SPATA6L: variants seen among roughly 807,000 people sequenced by gnomAD.
The protein encoded by SPATA6L is spermatogenesis associated 6 like, also known as spermatogenesis associated 6-like protein.
SPATA6L carries 68 observed loss-of-function variants against 49.2 expected under a neutral mutation model. That is an observed-to-expected ratio of 1.38 (90% CI 1.14 to 1.69). The LOEUF is 1.69. Ranked by LOEUF, SPATA6L falls within the 40% of genes most tolerant of loss-of-function variation. The pLI is 0.00. For missense variants in SPATA6L, 668 were observed against 464.3 expected (o/e 1.44, Z -4.03); for synonymous variants, 198 against 165.7 (o/e 1.19, Z -1.50).
chr9:4,630,984 A>G (rs1831413546), intron 4 of SPATA6L, among the ~76,000 whole-genome samples: 1 of 152,300 alleles, frequency 6.6e-6, no homozygotes, highest in East Asian at 1.9e-4. Flanking sequence ...ACCACTGTAC[A>G]TGCAGCTGCC....
intron 7 of SPATA6L, among the ~76,000 whole-genome samples, chr9:4,621,363 A>C (rs1391038868): frequency 6.6e-6 from 1 of 152,246 alleles, no homozygotes; most frequent in East Asian, 1.9e-4. Context: ...AACTGTTTTC[A>C]TAATAATACT....
chr9:4,644,475 T>C (rs1834836410), intron 3 of SPATA6L, among the ~76,000 whole-genome samples: 1 of 152,070 alleles, frequency 6.6e-6, no homozygotes, highest in African/African-American at 2.4e-5. Flanking sequence ...TGTGTTCTTC[T>C]ATCTACAGAG....
intron 3 of SPATA6L, among the ~76,000 whole-genome samples, chr9:4,640,267 A>G (rs1193765773): frequency 1.3e-5 from 2 of 152,218 alleles, no homozygotes; most frequent in Admixed American, 6.5e-5. Flanking sequence ...TGTAAACTGA[A>G]GAACAGGAAG....
At chr9:4,658,997 T>C (rs1336386925) in intron 2 of SPATA6L, among the ~76,000 whole-genome samples, 1 of 149,828 alleles carries the variant, frequency 6.7e-6, no homozygotes, top group African/African-American at 2.5e-5. Flanking sequence ...TCAAAATTGA[T>C]ATAACTAATA....
intron 11 of SPATA6L, among the ~76,000 whole-genome samples, chr9:4,603,512 G>C (rs1016046657): frequency 2.0e-5 from 3 of 152,202 alleles, no homozygotes; most frequent in Non-Finnish European, 4.4e-5. Context: ...CAGCAGGGTG[G>C]AGATGGGTAG....
At position 4,600,675 on chromosome 9, in the gene SPATA6L, AGGGTTT is replaced by A. The variant is rs1390040412; in HGVS notation, c.*130_*135del. 6.6e-6 allele frequency: 1 copy of A among 152,212 alleles called. No homozygotes were observed. The highest frequency in any genetic ancestry group is 1.5e-5 in the Non-Finnish European group (1 of 68,032). The allele number at this position is 152,212 out of a possible 1,614,324, so 9.4% of individuals were successfully genotyped here. A position where few individuals can be genotyped will look rare whatever the true frequency, so the allele number is the denominator to read the frequency against. Reference sequence around the variant, plus strand: ...TACCTGGGCACAAAAGACTGAGTACAGGGTTTGGTTTAAAGGGGATTAGACATCAGT... The same window carrying A: ...TACCTGGGCACAAAAGACTGAGTACAGGTTTAAAGGGGATTAGACATCAGT... On this transcript the variant is annotated 3_prime_UTR_variant, in exon 12 of 12. Coordinates refer to ENST00000682582, the MANE Select transcript of SPATA6L (RefSeq NM_001353486.2).
chr9:4,662,739 G>GGA lies in SPATA6L; in HGVS notation c.40-705_40-704dup. ...GTCCAAGAAGCTGGGGGTGTGCGCGGGAGAGAGCTCGTCGTGGGGCAGCGT... is the reference window on the plus strand; with the variant it reads ...GTCCAAGAAGCTGGGGGTGTGCGCGGGAGAGAGAGCTCGTCGTGGGGCAGCGT... On this transcript the variant is annotated intron_variant, in intron 1 of 11. Transcript: ENST00000682582. This position sits in a 1 kb window ranked among gnomAD's most constrained non-coding sequence, Gnocchi z 4.9. 1 of 1,603,320 alleles carries GGA rather than the reference G, an allele frequency of 6.2e-7. No homozygotes were observed. Among genetic ancestry groups the GGA allele is most frequent in the South Asian group, 1.1e-5 (1 of 91,084 alleles).
intron 3 of SPATA6L, 147 bp downstream of exon 3, chr9:4,655,894 A>C (rs879278749): frequency 2.9e-6 from 2 of 689,348 alleles, no homozygotes; most frequent in African/African-American, 1.8e-5. Context: ...AGAATCAAAA[A>C]TGTGATTCAA....
chr9:4,658,586 C>G (rs375449666), intron 2 of SPATA6L, among the ~76,000 whole-genome samples: 3 of 152,144 alleles, frequency 2.0e-5, no homozygotes, highest in Non-Finnish European at 4.4e-5. Flanking sequence ...ATAGTGGCAT[C>G]TGAAATGTGA....
intron 3 of SPATA6L, among the ~76,000 whole-genome samples, chr9:4,644,399 G>T (rs1834817450): frequency 6.6e-6 from 1 of 150,932 alleles, no homozygotes; most frequent in South Asian, 2.1e-4. Context: ...ACAATATAAT[G>T]GTGACATACA....
At chr9:4,608,817 G>T (rs1471859782) in intron 9 of SPATA6L, among the ~76,000 whole-genome samples, 1 of 151,960 alleles carries the variant, frequency 6.6e-6, no homozygotes. Context: ...GAAGGAAATA[G>T]AGACACAAAA....
At chr9:4,607,502 A>G (rs1357851528) in intron 9 of SPATA6L, among the ~76,000 whole-genome samples, 1 of 152,242 alleles carries the variant, frequency 6.6e-6, no homozygotes, top group African/African-American at 2.4e-5. Flanking sequence ...ACATTCTTAA[A>G]GAAAAGAATT....
chr9:4,657,709 G>A (rs1182032863), intron 2 of SPATA6L, among the ~76,000 whole-genome samples: 1 of 152,108 alleles, frequency 6.6e-6, no homozygotes, highest in Non-Finnish European at 1.5e-5. Context: ...ATAAGACAAA[G>A]AAAATATATT....
intron 13 of SPATA6L, among the ~76,000 whole-genome samples, chr9:4,592,704 T>G (rs908523538): frequency 6.6e-6 from 1 of 152,230 alleles, no homozygotes; most frequent in Non-Finnish European, 1.5e-5. Flanking sequence ...GCATAGTAGC[T>G]ATAGTTAATA....
At chr9:4,609,992 T>C (rs1826274864) in intron 9 of SPATA6L, among the ~76,000 whole-genome samples, 2 of 151,888 alleles carry the variant, frequency 1.3e-5, no homozygotes, top group South Asian at 4.2e-4. Flanking sequence ...AGTATTCTTA[T>C]ACACCAACAA....
intron 7 of SPATA6L, among the ~76,000 whole-genome samples, chr9:4,622,151 A>G (rs980216058): frequency 1.7e-4 from 26 of 152,196 alleles, no homozygotes; most frequent in Admixed American, 1.2e-3. Context: ...CAGCCAGGGG[A>G]CAACTGCAAC....
rs1840073295 is a variant in SPATA6L, at chr9:4,662,517, G to T, written c.40-481C>A. The T allele has an allele frequency of 5.8e-6, 9 of 1,560,314 alleles. No homozygotes were observed. The highest frequency in any genetic ancestry group is 7.7e-6 in the Non-Finnish European group (9 of 1,162,528). On this transcript the variant is annotated intron_variant, in intron 1 of 11. Transcript: ENST00000682582. This position sits in a 1 kb window ranked among gnomAD's most constrained non-coding sequence, Gnocchi z 4.9. ...GTTCCAGTCCCTGCTCAGCAGCCGC[G>T]CCACGGCCGTGGACCCCACCTGCGC...
chr9:4,649,752 A>G (rs762775781), intron 3 of SPATA6L, among the ~76,000 whole-genome samples: 3 of 152,228 alleles, frequency 2.0e-5, no homozygotes, highest in Non-Finnish European at 4.4e-5. Context: ...TATCAAGGAC[A>G]AAGGAAATCA....
At chr9:4,628,200 G>C (rs1440944492) in intron 5 of SPATA6L, 3 of 182,880 alleles carry the variant, frequency 1.6e-5, no homozygotes, top group African/African-American at 7.3e-5. Flanking sequence ...AGAACAACAG[G>C]GTGACTATAG....
Sources: gnomAD v4.1 joint callset for allele counts (sites outside exome capture counted in the v4.1 genomes callset) on GRCh38, gnomAD v4.1.1 for gene constraint, Gnocchi (gnomAD v3.1) non-coding constraint, MANE v1.5 for transcripts, NCBI Gene and HGNC (gene_info 2026-07-23, HGNC 2026-07-21) for gene names.